Variants in NRF1 observed in about 807,000 individuals in gnomAD.
NRF1 encodes alpha palindromic-binding protein.
NRF1 carries 5 observed loss-of-function variants against 58.5 expected under a neutral mutation model. The ratio of observed to expected loss-of-function variants is 0.09; its 90% confidence interval spans 0.04 to 0.18. The LOEUF (loss-of-function observed/expected upper bound fraction) is 0.18, where lower values mean the gene tolerates loss of function less well. Among genes scored for constraint, NRF1 ranks in the 10% least tolerant of loss-of-function variants. NRF1 has a pLI of 1.00. For missense variants in NRF1, 288 were observed against 657.7 expected (o/e 0.44, Z 6.15); for synonymous variants, 224 against 246.7 (o/e 0.91, Z 0.86).
At chr7:129,639,858 T>C (rs1050073232) in intron 1 of NRF1, among the ~76,000 whole-genome samples, 2 of 152,156 alleles carry the variant, frequency 1.3e-5, no homozygotes, top group Admixed American at 1.3e-4. Flanking sequence ...GCCCCCCCTT[T>C]TTTAAAAAAA....
chr7:129,677,780 C>G, intron 4 of NRF1, 22 bp downstream of exon 4: 1 of 1,610,902 alleles, frequency 6.2e-7, no homozygotes, highest in Non-Finnish European at 8.5e-7. Flanking sequence ...CCAAGCTGTT[C>G]TCATTTGCCC....
intron 1 of NRF1, 56 bp from the exon 2 acceptor site, chr7:129,657,290 C>A (rs905509020): frequency 3.9e-6 from 5 of 1,268,516 alleles, no homozygotes; most frequent in Non-Finnish European, 4.6e-6. Flanking sequence ...TTAGTTTAAA[C>A]ATTGTGTTAT....
chr7:129,687,961 A>G (rs1802479908), intron 4 of NRF1, among the ~76,000 whole-genome samples: 1 of 152,206 alleles, frequency 6.6e-6, no homozygotes, highest in Admixed American at 6.5e-5. Context: ...TACTAGCACT[A>G]AAAAACAAAC....
intron 2 of NRF1, among the ~76,000 whole-genome samples, chr7:129,663,682 A>T (rs1270259964): frequency 6.8e-6 from 1 of 147,172 alleles, no homozygotes; most frequent in African/African-American, 2.5e-5. Flanking sequence ...ATCCCAGACG[A>T]TGGGCGGCCA....
intron 1 of NRF1, among the ~76,000 whole-genome samples, chr7:129,613,809 G>A (rs891808165): frequency 7.3e-5 from 11 of 150,874 alleles, no homozygotes; most frequent in Non-Finnish European, 1.3e-4. Context: ...CGGGGGCGGG[G>A]GCTGCCGAGG....
chr7:129,669,419 A>G (rs1416929207), intron 2 of NRF1, among the ~76,000 whole-genome samples: 1 of 152,208 alleles, frequency 6.6e-6, no homozygotes, highest in African/African-American at 2.4e-5. Context: ...TGATATTTGC[A>G]GTTTGCTTTG....
chr7:129,659,482 GC>G (rs1177755650), intron 2 of NRF1, among the ~76,000 whole-genome samples: 1 of 152,086 alleles, frequency 6.6e-6, no homozygotes, highest in Non-Finnish European at 1.5e-5. Context: ...TTTAATATTT[GC>G]TTTAACATGG....
chr7:129,663,842 G>A (rs912384430), intron 2 of NRF1, among the ~76,000 whole-genome samples: 2 of 152,238 alleles, frequency 1.3e-5, no homozygotes, highest in African/African-American at 2.4e-5. Flanking sequence ...GCAACATTGA[G>A]CATTGAGTGA....
intron 5 of NRF1, among the ~76,000 whole-genome samples, chr7:129,691,128 A>T (rs140259660): frequency 0.016 from 2,388 of 152,150 alleles, 58 homozygotes; most frequent in African/African-American, 0.052. Flanking sequence ...GGCTCAAGCG[A>T]TCCTCCTGCC....
intron 9 of NRF1, among the ~76,000 whole-genome samples, chr7:129,725,842 CTT>C (rs1274121668): frequency 6.6e-6 from 1 of 152,166 alleles, no homozygotes; most frequent in South Asian, 2.1e-4. Context: ...TTTAATGACA[CTT>C]TTCTGTCCAT....
At chr7:129,669,282 A>G (rs1253889268) in intron 2 of NRF1, among the ~76,000 whole-genome samples, 4 of 152,214 alleles carry the variant, frequency 2.6e-5, no homozygotes, top group African/African-American at 9.6e-5. Context: ...CATTTTTAAA[A>G]TGTATTGAAT....
At chr7:129,724,098 G>C (rs1803396166) in intron 9 of NRF1, among the ~76,000 whole-genome samples, 1 of 152,162 alleles carries the variant, frequency 6.6e-6, no homozygotes, top group African/African-American at 2.4e-5. Context: ...TATCAGTAGA[G>C]GAAAAAGGCA....
intron 1 of NRF1, among the ~76,000 whole-genome samples, chr7:129,645,143 A>G (rs1400994769): frequency 1.3e-5 from 2 of 151,994 alleles, no homozygotes; most frequent in African/African-American, 2.4e-5. Context: ...CTTATATAGC[A>G]CTCACTATAT....
At chr7:129,683,789 T>A (rs1802383474) in intron 4 of NRF1, among the ~76,000 whole-genome samples, 1 of 151,360 alleles carries the variant, frequency 6.6e-6, no homozygotes, top group South Asian at 2.1e-4. Flanking sequence ...CCTGCCACCA[T>A]GCCCGGCTAA....
intron 1 of NRF1, among the ~76,000 whole-genome samples, chr7:129,624,071 C>T (rs1800863520): frequency 6.6e-6 from 1 of 152,130 alleles, no homozygotes; most frequent in African/African-American, 2.4e-5. Flanking sequence ...TGGTATTTTC[C>T]ATCCGAGAAT....
At chr7:129,637,667 T>G (rs921412201) in intron 1 of NRF1, among the ~76,000 whole-genome samples, 1 of 152,180 alleles carries the variant, frequency 6.6e-6, no homozygotes, top group Non-Finnish European at 1.5e-5. Context: ...TCTAGCAGAT[T>G]TTATAACCTG....
At chr7:129,627,088 C>T (rs980674167) in intron 1 of NRF1, among the ~76,000 whole-genome samples, 1 of 152,210 alleles carries the variant, frequency 6.6e-6, no homozygotes, top group Non-Finnish European at 1.5e-5. Flanking sequence ...GAAACCACCA[C>T]TGCTAGCAGT....
intron 10 of NRF1, among the ~76,000 whole-genome samples, chr7:129,736,708 A>G (rs1035046368): frequency 2.0e-5 from 3 of 150,014 alleles, no homozygotes; most frequent in Admixed American, 6.7e-5. Context: ...GACCAGAGGC[A>G]TTCCCACCCC....
chr7:129,663,317 C>T (rs963301481), intron 2 of NRF1, among the ~76,000 whole-genome samples: 4 of 150,658 alleles, frequency 2.7e-5, no homozygotes, highest in Non-Finnish European at 4.4e-5. Flanking sequence ...CGAGCAGAGG[C>T]GCTCCCCACT....
Sources: gnomAD v4.1 joint callset for allele counts (sites outside exome capture counted in the v4.1 genomes callset) on GRCh38, gnomAD v4.1.1 for gene constraint, MANE v1.5 for transcripts, NCBI Gene and HGNC (gene_info 2026-07-23, HGNC 2026-07-21) for gene names.